KSR2: variants seen among roughly 807,000 people sequenced by gnomAD.
KSR2 encodes the protein kinase suppressor of ras 2.
In KSR2, 25 loss-of-function variants were observed where a neutral mutation model predicts 107.8. The ratio of observed to expected loss-of-function variants is 0.23; its 90% CI spans 0.17 to 0.32. The LOEUF is 0.32. Ranked by LOEUF, KSR2 falls within the 10% of genes least tolerant of loss-of-function variation. The probability of loss-of-function intolerance (pLI) is 1.00; values close to 1 mark genes in which losing one functional copy is unlikely to be tolerated. For synonymous variants in KSR2, 480 were observed against 507.0 expected (o/e 0.95, Z 0.71); for missense variants, 887 against 1,268.9 (o/e 0.70, Z 4.57).
intron 4 of KSR2, among the ~76,000 whole-genome samples, chr12:117,737,423 T>C (rs1204652951): frequency 6.6e-6 from 1 of 152,226 alleles, no homozygotes; most frequent in African/African-American, 2.4e-5. Context: ...TCAGTCATTC[T>C]GTAAACCATC....
intron 10 of KSR2, among the ~76,000 whole-genome samples, chr12:117,534,484 A>C (rs569426100): frequency 6.6e-6 from 1 of 152,036 alleles, no homozygotes; most frequent in Non-Finnish European, 1.5e-5. Context: ...AGCTAAGAGC[A>C]AAGGCTCTTA....
At chr12:117,788,679 T>C (rs191435778) in intron 3 of KSR2, among the ~76,000 whole-genome samples, 78 of 152,222 alleles carry the variant, frequency 5.1e-4, no homozygotes, top group African/African-American at 1.8e-3. Flanking sequence ...TTTGTTTGTT[T>C]GTTTTGTATT....
chr12:117,697,555 A>G (rs1280077777), intron 4 of KSR2, among the ~76,000 whole-genome samples: 2 of 152,132 alleles, frequency 1.3e-5, no homozygotes, highest in Non-Finnish European at 2.9e-5. Flanking sequence ...AGCCTGACCA[A>G]CATGGTGAAA....
At chr12:117,790,750 C>A (rs951754513) in intron 3 of KSR2, among the ~76,000 whole-genome samples, 3 of 152,164 alleles carry the variant, frequency 2.0e-5, no homozygotes, top group Non-Finnish European at 2.9e-5. Flanking sequence ...TTTCCCTTCA[C>A]GGAGTCATCC....
intron 3 of KSR2, among the ~76,000 whole-genome samples, chr12:117,835,395 C>CA (rs1892161980): frequency 6.6e-6 from 1 of 152,168 alleles, no homozygotes; most frequent in African/African-American, 2.4e-5. Flanking sequence ...CTAAAGACCC[C>CA]TGGGAAAACC....
intron 1 of KSR2, among the ~76,000 whole-genome samples, chr12:117,892,296 C>T (rs1183943472): frequency 6.6e-6 from 1 of 152,180 alleles, no homozygotes; most frequent in Non-Finnish European, 1.5e-5. Flanking sequence ...AAGAGCAAGA[C>T]TCTGTCTCAA....
chr12:117,632,127 TA>T (rs1882835038), intron 5 of KSR2, among the ~76,000 whole-genome samples: 1 of 151,602 alleles, frequency 6.6e-6, no homozygotes, highest in Non-Finnish European at 1.5e-5. Flanking sequence ...TTTACAGCAG[TA>T]AACTACATTA....
chr12:117,925,769 T>C (rs1449109039), intron 1 of KSR2, among the ~76,000 whole-genome samples: 1 of 152,214 alleles, frequency 6.6e-6, no homozygotes, highest in African/African-American at 2.4e-5. Flanking sequence ...GACGCATGGC[T>C]AGTAATCAGC....
intron 5 of KSR2, among the ~76,000 whole-genome samples, chr12:117,597,901 G>T (rs1880734981): frequency 6.6e-6 from 1 of 152,186 alleles, no homozygotes; most frequent in Non-Finnish European, 1.5e-5. Context: ...GCAACCTGAG[G>T]GTTCAGGACT....
At chr12:117,838,361 G>T (rs1024254204) in intron 3 of KSR2, among the ~76,000 whole-genome samples, 1 of 152,176 alleles carries the variant, frequency 6.6e-6, no homozygotes, top group African/African-American at 2.4e-5. Context: ...TAGAGATGGG[G>T]TTTCACTGTG....
At chr12:117,657,287 C>T (rs528224186) in intron 5 of KSR2, among the ~76,000 whole-genome samples, 22 of 151,994 alleles carry the variant, frequency 1.4e-4, no homozygotes, top group Middle Eastern at 6.8e-3. Context: ...AAAGTGAAGC[C>T]GACCTAAAAA....
chr12:117,518,798 C>T (rs1874553497), intron 14 of KSR2, among the ~76,000 whole-genome samples: 1 of 152,206 alleles, frequency 6.6e-6, no homozygotes, highest in Admixed American at 6.5e-5. Context: ...AGTACCTCTA[C>T]CTGAACTGCT....
In KSR2 at chr12:117,455,877, T is replaced by C. The variant is rs940782686; in HGVS notation, c.*11322A>G. The C allele has an allele frequency of 1.3e-5, 2 of 152,132 alleles. No individual in the cohort carries two copies. The highest frequency in any genetic ancestry group is 4.8e-5 in the African/African-American group (2 of 41,408). 9.4% of individuals were successfully genotyped at this position (152,132 alleles called of 1,614,324 possible). A position where few individuals can be genotyped will look rare whatever the true frequency, so the allele number is the denominator to read the frequency against. On this transcript the variant is annotated 3_prime_UTR_variant, in exon 20 of 20. Transcript: ENST00000339824. Reference sequence around the variant, plus strand: ...CCCAGAAGCAGTGCCTTGTGGAATATGGGACAGCTATGGGAGCTCATGGAG... The same window carrying C: ...CCCAGAAGCAGTGCCTTGTGGAATACGGGACAGCTATGGGAGCTCATGGAG...
intron 18 of KSR2, among the ~76,000 whole-genome samples, chr12:117,470,266 C>T (rs1431401937): frequency 6.6e-6 from 1 of 151,318 alleles, no homozygotes; most frequent in Non-Finnish European, 1.5e-5. Flanking sequence ...CATATCAATT[C>T]ACTCTTCCAT....
At chr12:117,819,830 T>A (rs1891500778) in intron 3 of KSR2, among the ~76,000 whole-genome samples, 1 of 151,996 alleles carries the variant, frequency 6.6e-6, no homozygotes, top group Admixed American at 6.6e-5. Context: ...TTTTCAAAAA[T>A]TAATGACATG....
intron 5 of KSR2, among the ~76,000 whole-genome samples, chr12:117,617,537 TACA>T (rs747612722): frequency 5.3e-5 from 8 of 152,162 alleles, no homozygotes; most frequent in Non-Finnish European, 1.0e-4. Flanking sequence ...TACTGATAAA[TACA>T]ACAACATGGA....
At chr12:117,614,577 T>C (rs1221115723) in intron 5 of KSR2, among the ~76,000 whole-genome samples, 2 of 152,162 alleles carry the variant, frequency 1.3e-5, no homozygotes, top group Admixed American at 6.5e-5. Context: ...AAATGATGAA[T>C]CTGGTTGAAA....
intron 5 of KSR2, among the ~76,000 whole-genome samples, chr12:117,607,945 C>T (rs1881386798): frequency 6.6e-6 from 1 of 152,164 alleles, no homozygotes; most frequent in Non-Finnish European, 1.5e-5. Flanking sequence ...TGCTCAGGTA[C>T]CTGCCGGTCC....
intron 3 of KSR2, among the ~76,000 whole-genome samples, chr12:117,840,192 G>A (rs963193412): frequency 1.3e-5 from 2 of 151,906 alleles, no homozygotes; most frequent in African/African-American, 4.8e-5. Flanking sequence ...CCGCCTCCAG[G>A]GTTCAAGCCA....
Sources: allele counts gnomAD v4.1 joint callset (sites outside exome capture counted in the v4.1 genomes callset), GRCh38; gene constraint gnomAD v4.1.1; transcripts MANE v1.5; gene names NCBI Gene and HGNC (gene_info 2026-07-23, HGNC 2026-07-21).